PIGG: variants seen among roughly 807,000 people sequenced by gnomAD.
The protein encoded by PIGG is phosphatidylinositol glycan anchor biosynthesis class G (EMM blood group), also known as GPI ethanolamine phosphate transferase 2, catalytic subunit.
In PIGG, 70 loss-of-function variants were observed where a neutral mutation model predicts 83.2. That is an observed-to-expected ratio of 0.84 (90% CI 0.69 to 1.03). PIGG has a LOEUF of 1.03. Among genes scored for constraint, PIGG ranks in the 50% least tolerant of loss-of-function variants. The probability of loss-of-function intolerance (pLI) is 0.00; values close to 1 mark genes in which losing one functional copy is unlikely to be tolerated. For synonymous variants in PIGG, 532 were observed against 519.5 expected (o/e 1.02, Z -0.33); for missense variants, 1,257 against 1,233.6 (o/e 1.02, Z -0.28).
chr4:539,165 G>C lies in PIGG; in HGVS notation c.2748G>C (p.Leu916=), dbSNP rs769891393. 1.2e-5 allele frequency: 19 copies of C among 1,609,946 alleles called. No individual in the cohort carries two copies. Among genetic ancestry groups the C allele is most frequent in the Admixed American group, 3.3e-5 (2 of 60,024 alleles). Reference sequence around the variant, plus strand: ...TTCTTATTAACAGTGGTTCAGCACTGAGTCATGCTTGCTTCTGCTACGCAC... The same window carrying C: ...TTCTTATTAACAGTGGTTCAGCACTCAGTCATGCTTGCTTCTGCTACGCAC... ...LSSETRSGSA[L]SHACFCYALI... The change falls in exon 13 of 13, where the codon CTG becomes CTC. Residue 916 remains leucine (L), a synonymous_variant. Coordinates refer to ENST00000453061, the MANE Select transcript of PIGG (RefSeq NM_001127178.3).
chr4:521,900 G>C lies in PIGG; in HGVS notation c.1573G>C (p.Val525Leu), dbSNP rs1726031358. The change falls in exon 8 of 13, where the codon GTT (valine) becomes CTT (leucine). Residue 525 changes from valine (V) to leucine (L), a missense_variant. Transcript: ENST00000453061. ...GGCGCTGCTGTGTGTGATTGTGTCTGTTCTGACCAACGTGCTCGTGGGTGG... is the reference window on the plus strand; with the variant it reads ...GGCGCTGCTGTGTGTGATTGTGTCTCTTCTGACCAACGTGCTCGTGGGTGG... ...ASALLCVIVS[V>L]LTNVLVGGNT... The C allele has an allele frequency of 6.2e-7, 1 of 1,614,228 alleles. No individual in the cohort carries two copies. Among genetic ancestry groups the C allele is most frequent in the Non-Finnish European group, 8.5e-7 (1 of 1,180,044 alleles).
At chr4:537,659 G>A (rs2109062146) in intron 12 of PIGG, among the ~76,000 whole-genome samples, 1 of 152,342 alleles carries the variant, frequency 6.6e-6, no homozygotes, top group East Asian at 1.9e-4. Context: ...GGAAAGCAGT[G>A]AAAGGACCAG....
chr4:501,256 T>C (rs1469960725), intron 2 of PIGG: 1 of 414,782 alleles, frequency 2.4e-6, no homozygotes, highest in African/African-American at 2.1e-5. Context: ...GAAAAAATAG[T>C]ATCTCTGCCT....
chr4:527,611 G>T lies in PIGG; in HGVS notation c.2261+381G>T, dbSNP rs1418411560. 3 of 1,003,588 alleles carry T rather than the reference G, an allele frequency of 3.0e-6. No individual in the cohort carries two copies. The African/African-American group carries it at 5.2e-5, about 17-fold the overall frequency. 62.2% of individuals were successfully genotyped at this position (1,003,588 alleles called of 1,614,324 possible). On this transcript the variant is annotated intron_variant, in intron 10 of 12. Transcript: ENST00000453061. ...CCAGGGTTCTGTTTTCCTGGTCAGG[G>T]TGTAATTGGTGATGAGGATGATGAG...
rs61694405 is a variant in PIGG, at chr4:517,402, C to T, written c.1114+1217C>T. On this transcript the variant is annotated intron_variant, in intron 6 of 12. Coordinates refer to ENST00000453061, the MANE Select transcript of PIGG (RefSeq NM_001127178.3). ...ACGAGCAGACCAGAGGCGTTAGGTACGACTCCGGGGCTTTCAGCTGAAAGC... is the reference window on the plus strand; with the variant it reads ...ACGAGCAGACCAGAGGCGTTAGGTATGACTCCGGGGCTTTCAGCTGAAAGC... Among the ~76,000 whole-genome samples the T allele has an allele frequency of 7.8e-3, 1,180 of 152,222 alleles. 17 individuals carry two copies. Among genetic ancestry groups the T allele is most frequent in the African/African-American group, 0.027 (1,106 of 41,524 alleles).
intron 10 of PIGG, chr4:527,845 A>C (rs1045911589): frequency 4.2e-5 from 41 of 985,326 alleles, no homozygotes; most frequent in Non-Finnish European, 4.8e-5. Context: ...TGGGATGAGC[A>C]GAGGCCGTTC....
At chr4:522,103 A>C (rs958084773) in intron 8 of PIGG, 162 bp downstream of exon 8, 2 of 728,264 alleles carry the variant, frequency 2.7e-6, no homozygotes, top group Admixed American at 4.1e-5. Context: ...GACGTGGAGC[A>C]GCCTTATCCC....
chr4:520,324 A>G (rs1725395297), intron 6 of PIGG, among the ~76,000 whole-genome samples: 1 of 152,224 alleles, frequency 6.6e-6, no homozygotes, highest in Non-Finnish European at 1.5e-5. Flanking sequence ...CTCACGCATC[A>G]GCCAGCTCGG....
At chr4:535,287 C>T (rs1377387913) in intron 12 of PIGG, among the ~76,000 whole-genome samples, 1 of 145,166 alleles carries the variant, frequency 6.9e-6, no homozygotes, top group Admixed American at 6.7e-5. Flanking sequence ...CACTTGGAAG[C>T]GTTCACAGCC....
chr4:528,391 G>C lies in PIGG; in HGVS notation c.2261+1161G>C. 1 of 985,236 alleles carries C rather than the reference G, an allele frequency of 1.0e-6. No individual in the cohort carries two copies. Among genetic ancestry groups the C allele is most frequent in the Non-Finnish European group, 1.2e-6 (1 of 829,756 alleles). The allele number at this position is 985,236 out of a possible 1,614,324, so 61.0% of individuals were successfully genotyped here. On this transcript the variant is annotated intron_variant, in intron 10 of 12. Transcript: ENST00000453061. The surrounding 1 kb of genome is among the most constrained non-coding windows in gnomAD (Gnocchi z 4.8). Reference sequence around the variant, plus strand: ...GCTTTTCTAATCACAGCAAGTCAAGGTGACTGCTGAGGGCTGTGGCCAGCC... The same window carrying C: ...GCTTTTCTAATCACAGCAAGTCAAGCTGACTGCTGAGGGCTGTGGCCAGCC...
intron 2 of PIGG, among the ~76,000 whole-genome samples, chr4:504,293 G>T (rs993483382): frequency 1.3e-5 from 2 of 152,164 alleles, no homozygotes; most frequent in Non-Finnish European, 2.9e-5. Flanking sequence ...TTGGTCAGAG[G>T]TTGTGCTTCA....
In PIGG at chr4:539,304, C is replaced by G. The variant is rs2109074172; in HGVS notation, c.2887C>G (p.Leu963Val). Reference protein sequence around the residue: ...PKLLYEGMHLLITAAVCVFFT... With the variant: ...PKLLYEGMHLVITAAVCVFFT... ...ACTTCTCTACGAGGGAATGCACCTG[C>G]TCATTACAGCTGCTGTCTGTGTATT... The change falls in exon 13 of 13, where the codon CTC (leucine) becomes GTC (valine). Residue 963 changes from leucine to valine, a missense_variant. By Grantham distance (32) the Leu-to-Val change is conservative. Coordinates refer to ENST00000453061, the MANE Select transcript of PIGG (RefSeq NM_001127178.3). 2.5e-6 allele frequency: 4 copies of G among 1,613,540 alleles called. No individual in the cohort carries two copies. In the East Asian group the frequency reaches 8.9e-5, roughly 36 times the overall value.
In PIGG at chr4:530,747, T is replaced by C; in HGVS notation, c.2571+2T>C. 6 of 1,589,452 alleles carry C rather than the reference T, an allele frequency of 3.8e-6. No homozygotes were observed. Among genetic ancestry groups the C allele is most frequent in the Non-Finnish European group, 5.2e-6 (6 of 1,159,560 alleles). On this transcript the variant is annotated splice_donor_variant, in intron 11 of 12. Coordinates refer to ENST00000453061, the MANE Select transcript of PIGG (RefSeq NM_001127178.3). LOFTEE classifies it high-confidence loss of function. ...GGTCAAGCATTCTTCTATTTTCAGG[T>C]AGGTTTTCATTATTATCATGGGTAG...
At chr4:500,366 A>G (rs1553874877) in intron 1 of PIGG, 30 bp from the exon 2 acceptor site, 2 of 1,548,320 alleles carry the variant, frequency 1.3e-6, no homozygotes, top group South Asian at 2.2e-5. Context: ...TTTAGAGTTC[A>G]ATTTCCTTTT....
chr4:535,946 C>T (rs1276624785), intron 12 of PIGG, among the ~76,000 whole-genome samples: 5 of 152,204 alleles, frequency 3.3e-5, no homozygotes, highest in African/African-American at 7.2e-5. Flanking sequence ...CAGAGGTGTC[C>T]TCGGGCTGAC....
chr4:507,572 C>A lies in PIGG; in HGVS notation c.738C>A (p.Ile246=), dbSNP rs781975150. ...LSEMDSVLMK[I]HTSLQSKERE... is the part of the protein sequence containing the mutation. The stretch of plus-strand genomic sequence containing the variant: ...AGATGGACAGCGTGCTGATGAAGAT[C>A]CACACCTCACTGCAGTCGAAGGTGA... Residue 246 remains isoleucine (I), a synonymous_variant, in exon 4 of 13, where the codon ATC becomes ATA. Transcript: ENST00000453061. 1.2e-6 allele frequency: 2 copies of A among 1,613,380 alleles called. No individual in the cohort carries two copies. Among genetic ancestry groups the A allele is most frequent in the Admixed American group, 1.7e-5 (1 of 59,926 alleles).
chr4:509,138 G>A (rs1478422762), intron 5 of PIGG, among the ~76,000 whole-genome samples, 168 bp downstream of exon 5: 1 of 152,152 alleles, frequency 6.6e-6, no homozygotes, highest in Non-Finnish European at 1.5e-5. Context: ...CTGAAGTTAC[G>A]TTCCTTCCCG....
chr4:522,334 G>C (rs1440620906), intron 8 of PIGG: 3 of 428,728 alleles, frequency 7.0e-6, no homozygotes, highest in Non-Finnish European at 1.3e-5. Context: ...AATCGGCCTG[G>C]ACACTCAGGA....
intron 6 of PIGG, among the ~76,000 whole-genome samples, chr4:516,751 G>A (rs1472123626): frequency 6.6e-6 from 1 of 151,452 alleles, no homozygotes; most frequent in Non-Finnish European, 1.5e-5. Context: ...AGCTACTCAG[G>A]AGGCTGAGGC....
Sources: gnomAD v4.1 joint callset for allele counts (sites outside exome capture counted in the v4.1 genomes callset) on GRCh38, gnomAD v4.1.1 for gene constraint, Gnocchi (gnomAD v3.1) non-coding constraint, MANE v1.5 for transcripts, NCBI Gene and HGNC (gene_info 2026-07-23, HGNC 2026-07-21) for gene names.